NRXN3: variants seen among roughly 807,000 people sequenced by gnomAD.
NRXN3 encodes neurexin III.
In NRXN3, 32 loss-of-function variants were observed where a neutral mutation model predicts 137.6. The observed-to-expected ratio is 0.23, with a 90% confidence interval of 0.18 to 0.31. The LOEUF is 0.31. Among genes scored for constraint, NRXN3 ranks in the 10% least tolerant of loss-of-function variants. The probability of loss-of-function intolerance (pLI) is 1.00; values close to 1 mark genes in which losing one functional copy is unlikely to be tolerated. For synonymous variants in NRXN3, 798 were observed against 784.5 expected (o/e 1.02, Z -0.29); for missense variants, 1,574 against 2,062.5 (o/e 0.76, Z 4.59).
At chr14:78,500,483 A>G (rs371508305) in intron 4 of NRXN3, among the ~76,000 whole-genome samples, 2 of 152,312 alleles carry the variant, frequency 1.3e-5, no homozygotes, top group East Asian at 3.9e-4. Context: ...CACTGTGAAG[A>G]GAAGTTGCCT....
intron 15 of NRXN3, among the ~76,000 whole-genome samples, chr14:79,373,462 T>A (rs2153438329): frequency 6.6e-6 from 1 of 152,328 alleles, no homozygotes; most frequent in Admixed American, 6.5e-5. Context: ...AATGAAAACG[T>A]GGCAATAAAA....
intron 16 of NRXN3, among the ~76,000 whole-genome samples, chr14:79,591,798 C>G (rs1323025506): frequency 6.6e-6 from 1 of 152,146 alleles, no homozygotes; most frequent in African/African-American, 2.4e-5. Flanking sequence ...TTTTCCTCTT[C>G]TTTCTGTAGA....
intron 4 of NRXN3, among the ~76,000 whole-genome samples, chr14:78,408,187 A>G (rs2153661889): frequency 6.6e-6 from 1 of 152,184 alleles, no homozygotes; most frequent in Middle Eastern, 3.4e-3. Flanking sequence ...CCACATTCTG[A>G]TGGAGGTGCC....
rs2098429214 is a variant in NRXN3, at chr14:79,640,888, T to C, written c.3445-22890T>C. Among the ~76,000 whole-genome samples the C allele has an allele frequency of 1.5e-5, 2 of 135,916 alleles. 1 individual carries two copies. The allele number at this position is 135,916 out of a possible 152,430, so 89.2% of individuals were successfully genotyped here. A position where few individuals can be genotyped will look rare whatever the true frequency, so the allele number is the denominator to read the frequency against. ...TTAAATGGAAAGAATACTTCCATGGTCTAGTTTCTAGAGAACACTACCAGG... is the reference window on the plus strand; with the variant it reads ...TTAAATGGAAAGAATACTTCCATGGCCTAGTTTCTAGAGAACACTACCAGG... On this transcript the variant is annotated intron_variant, in intron 16 of 20. Transcript: ENST00000335750.
intron 10 of NRXN3, among the ~76,000 whole-genome samples, chr14:78,931,486 T>A (rs2099321785): frequency 6.6e-6 from 1 of 152,146 alleles, no homozygotes; most frequent in Non-Finnish European, 1.5e-5. Context: ...GTGACTTTTA[T>A]GAGAGAGGAA....
intron 4 of NRXN3, among the ~76,000 whole-genome samples, chr14:78,335,429 C>G (rs1389794546): frequency 1.3e-5 from 2 of 152,216 alleles, no homozygotes; most frequent in African/African-American, 4.8e-5. Flanking sequence ...AGGGCCAGGA[C>G]TCTGCCCAAG....
chr14:78,504,805 A>G (rs2095952662), intron 4 of NRXN3, among the ~76,000 whole-genome samples: 1 of 152,136 alleles, frequency 6.6e-6, no homozygotes, highest in Non-Finnish European at 1.5e-5. Context: ...TACTGTGTGA[A>G]ATAGTCCTCA....
chr14:78,182,527 T>C (rs1392508280), intron 1 of NRXN3, among the ~76,000 whole-genome samples: 1 of 152,226 alleles, frequency 6.6e-6, no homozygotes, highest in African/African-American at 2.4e-5. Flanking sequence ...TGGAATGCAA[T>C]GGCGCGATCT....
chr14:79,597,667 A>G (rs1007824810), intron 16 of NRXN3, among the ~76,000 whole-genome samples: 1 of 152,076 alleles, frequency 6.6e-6, no homozygotes, highest in Non-Finnish European at 1.5e-5. Context: ...TTATCTTCCT[A>G]TCTCTTAGGG....
intron 13 of NRXN3, among the ~76,000 whole-genome samples, chr14:78,967,654 T>C (rs755757085): frequency 6.6e-5 from 10 of 152,096 alleles, no homozygotes; most frequent in Admixed American, 3.3e-4. Context: ...AGGATGAGTG[T>C]CAAAGTGTGG....
intron 15 of NRXN3, among the ~76,000 whole-genome samples, chr14:79,448,547 A>G (rs2096108021): frequency 6.6e-6 from 1 of 152,234 alleles, no homozygotes; most frequent in Non-Finnish European, 1.5e-5. Flanking sequence ...TGACTAATTT[A>G]CTATCCATGC....
chr14:78,335,986 G>T (rs933405162), intron 4 of NRXN3, among the ~76,000 whole-genome samples: 1 of 152,148 alleles, frequency 6.6e-6, no homozygotes, highest in African/African-American at 2.4e-5. Context: ...CCACAAAGTA[G>T]ACTCAGGAAA....
At chr14:78,910,733 A>G (rs1053317677) in intron 10 of NRXN3, among the ~76,000 whole-genome samples, 2 of 152,156 alleles carry the variant, frequency 1.3e-5, no homozygotes, top group African/African-American at 4.8e-5. Context: ...CCTCTGCTGA[A>G]ATGTAACACA....
intron 15 of NRXN3, among the ~76,000 whole-genome samples, chr14:79,154,435 C>T (rs2060071015): frequency 6.6e-6 from 1 of 152,072 alleles, no homozygotes; most frequent in East Asian, 1.9e-4. Context: ...CCCCCACAAA[C>T]ATGTACTGTT....
intron 10 of NRXN3, among the ~76,000 whole-genome samples, chr14:78,865,466 A>T (rs75024422): frequency 6.6e-6 from 1 of 152,314 alleles, no homozygotes; most frequent in Non-Finnish European, 1.5e-5. Flanking sequence ...ACAACTTGAG[A>T]CTGGCTATGC....
chr14:78,974,536 G>C (rs942267088), intron 14 of NRXN3, among the ~76,000 whole-genome samples: 6 of 152,190 alleles, frequency 3.9e-5, no homozygotes, highest in Non-Finnish European at 8.8e-5. Context: ...CAGATTTAGG[G>C]ACATAGTGGT....
chr14:79,512,865 A>G (rs2096945176), intron 16 of NRXN3, among the ~76,000 whole-genome samples: 1 of 152,226 alleles, frequency 6.6e-6, no homozygotes, highest in Non-Finnish European at 1.5e-5. Context: ...TGTATGGCAT[A>G]ACACCTATAT....
At chr14:79,688,760 C>T (rs2098704971) in intron 17 of NRXN3, among the ~76,000 whole-genome samples, 1 of 152,150 alleles carries the variant, frequency 6.6e-6, no homozygotes, top group African/African-American at 2.4e-5. Context: ...TTCCACAGTG[C>T]ATGTGCTTGT....
At chr14:79,126,019 A>G in intron 15 of NRXN3, among the ~76,000 whole-genome samples, 1 of 152,054 alleles carries the variant, frequency 6.6e-6, no homozygotes. Flanking sequence ...ATTGGACATC[A>G]CAGCATTCAA....
Sources: allele counts gnomAD v4.1 joint callset (sites outside exome capture counted in the v4.1 genomes callset), GRCh38; gene constraint gnomAD v4.1.1; transcripts MANE v1.5; gene names NCBI Gene and HGNC (gene_info 2026-07-23, HGNC 2026-07-21).